The following SERPINB12 variants were observed in gnomAD, a reference collection of about 807,000 sequenced individuals.
The protein encoded by SERPINB12 is serpin family B member 12, also known as serpin B12.
A neutral mutation model predicts 41.1 loss-of-function variants in SERPINB12; 57 were observed. The ratio of observed to expected loss-of-function variants is 1.39; its 90% confidence interval spans 1.12 to 1.73. SERPINB12 has a LOEUF of 1.73. Ranked by LOEUF, SERPINB12 falls within the 40% of genes most tolerant of loss-of-function variation. The pLI is 0.00. For synonymous variants in SERPINB12, 180 were observed against 181.3 expected (o/e 0.99, Z 0.06); for missense variants, 536 against 501.9 (o/e 1.07, Z -0.65).
Position 63,563,234 on chromosome 18 carries a change from G to A in SERPINB12, c.563-744G>A, listed in dbSNP as rs567271760. 2.2e-4 allele frequency among the ~76,000 whole-genome samples: 33 copies of A among 152,322 alleles called. 1 individual carries two copies. In the South Asian group the frequency reaches 5.8e-3, roughly 27 times the overall value. On this transcript the variant is annotated intron_variant, in intron 5 of 7. Transcript: ENST00000382768. ...TTATATCATGGTCTAGCACATTTAT[G>A]TGTATTTTTGTTTACATGTAAGCAT...
chr18:63,540,416 C>T (rs751080274), upstream of SERPINB12, among the ~76,000 whole-genome samples: 2 of 152,062 alleles, frequency 1.3e-5, no homozygotes, highest in Non-Finnish European at 2.9e-5. Flanking sequence ...CTAAGGAAAT[C>T]ATCTGAGATT....
In SERPINB12 at chr18:63,566,957, T is replaced by C; in HGVS notation, c.1224T>C (p.Ile408=). ...CCAACCACCCTTTTCTCTTTTTCAT[T>C]AGACACAACAAAACCCAAACCATTC... The part of the protein sequence containing the change: ...FNANHPFLFF[I]RHNKTQTILF... The change falls in exon 8 of 8, where the codon ATT becomes ATC. Residue 408 remains isoleucine, a synonymous_variant. Transcript: ENST00000382768. 6.2e-7 allele frequency: 1 copy of C among 1,612,906 alleles called. No individual in the cohort carries two copies. Among genetic ancestry groups the C allele is most frequent in the Non-Finnish European group, 8.5e-7 (1 of 1,179,576 alleles).
At chr18:63,523,788 G>A in the SERPINB12 span, among the ~76,000 whole-genome samples, 24 of 152,170 alleles carry the variant, frequency 1.6e-4, no homozygotes, top group Non-Finnish European at 2.5e-4. Context: ...CTGATGAGAA[G>A]GTTGAAGGAG....
chr18:63,566,936 C>T lies in SERPINB12; in HGVS notation c.1203C>T (p.Asn401=), dbSNP rs757108341. 16 of 1,613,708 alleles carry T rather than the reference C, an allele frequency of 9.9e-6. No individual in the cohort carries two copies. Among genetic ancestry groups the T allele is most frequent in the Non-Finnish European group, 1.4e-5 (16 of 1,179,944 alleles). The change falls in exon 8 of 8, where the codon AAC becomes AAT. Residue 401 remains asparagine (N), a synonymous_variant. Coordinates refer to ENST00000382768, the MANE Select transcript of SERPINB12 (RefSeq NM_001307928.2). Reference sequence around the variant, plus strand: ...GATCTTGGGTGGAGTTTAATGCCAACCACCCTTTTCTCTTTTTCATTAGAC... The same window carrying T: ...GATCTTGGGTGGAGTTTAATGCCAATCACCCTTTTCTCTTTTTCATTAGAC... ...SLRSWVEFNA[N]HPFLFFIRHN...
upstream of SERPINB12, among the ~76,000 whole-genome samples, chr18:63,540,423 G>C (rs192431588): frequency 2.4e-3 from 370 of 152,034 alleles, 1 homozygote; most frequent in African/African-American, 8.6e-3. Flanking sequence ...AATCATCTGA[G>C]ATTCAGATAA....
chr18:63,533,956 A>T, the SERPINB12 span, among the ~76,000 whole-genome samples: 18 of 152,346 alleles, frequency 1.2e-4, no homozygotes, highest in Admixed American at 9.2e-4. Flanking sequence ...TCAAGAATGT[A>T]TATCATCTCC....
At chr18:63,564,641 C>A (rs1206999413) in intron 6 of SERPINB12, among the ~76,000 whole-genome samples, 1 of 152,134 alleles carries the variant, frequency 6.6e-6, no homozygotes, top group Admixed American at 6.6e-5. Context: ...ATTTAAGGTG[C>A]CTGGGGTTGT....
Position 63,565,432 on chromosome 18 carries a change from T to TTCATTC in SERPINB12, c.706-12_706-11insCATTCT. 6.2e-7 allele frequency: 1 copy of TTCATTC among 1,610,280 alleles called. No individual in the cohort carries two copies. The highest frequency in any genetic ancestry group is 8.5e-7 in the Non-Finnish European group (1 of 1,178,144). The stretch of plus-strand genomic sequence containing the variant: ...CATAGCCGTCCTGTGACCTCCTACC[T>TTCATTC]TGACTACTACAGAATGAAAACAAGA... On this transcript the variant is annotated splice_polypyrimidine_tract_variant and intron_variant, in intron 6 of 7. Transcript: ENST00000382768.
intron 5 of SERPINB12, among the ~76,000 whole-genome samples, chr18:63,563,395 C>G (rs886159639): frequency 2.0e-5 from 3 of 152,188 alleles, no homozygotes; most frequent in Non-Finnish European, 4.4e-5. Flanking sequence ...TGTCTACTGA[C>G]AAGTTCCAAA....
chr18:63,533,577 C>A, the SERPINB12 span, among the ~76,000 whole-genome samples: 3 of 152,282 alleles, frequency 2.0e-5, no homozygotes, highest in African/African-American at 7.2e-5. Flanking sequence ...CTTTTGAAAA[C>A]ATGTTAATCC....
At chr18:63,563,911 AAAAT>A (rs879084017) in intron 5 of SERPINB12, 63 bp from the exon 6 acceptor site, 68,478 of 384,728 alleles carry the variant, frequency 0.18, 873 homozygotes, top group South Asian at 0.27. Flanking sequence ...AAAAAAAAAA[AAAAT>A]TATCTACACA....
At chr18:63,545,578 G>C (rs1988116) in intron 1 of SERPINB12, among the ~76,000 whole-genome samples, 88,950 of 151,992 alleles carry the variant, frequency 0.59, 27,958 homozygotes, top group Middle Eastern at 0.73. Context: ...AGGATAAACA[G>C]ATGCAAATCT....
the SERPINB12 span, among the ~76,000 whole-genome samples, chr18:63,531,109 G>A: frequency 6.6e-6 from 1 of 152,146 alleles, no homozygotes; most frequent in Non-Finnish European, 1.5e-5. Context: ...TTGCTTAAAT[G>A]TGCAGGAGTT....
upstream of SERPINB12, among the ~76,000 whole-genome samples, chr18:63,537,943 G>A (rs1160732868): frequency 1.3e-5 from 2 of 152,058 alleles, no homozygotes; most frequent in Non-Finnish European, 2.9e-5. Context: ...CTATGGATGA[G>A]GCTTTTCTAA....
intron 3 of SERPINB12, among the ~76,000 whole-genome samples, chr18:63,559,003 C>CTTTCTTTCTTTCTTTCTTTCT (rs1491386715): frequency 1.5e-4 from 12 of 78,598 alleles, no homozygotes; most frequent in African/African-American, 4.5e-4. Context: ...TCTTTCCTTC[C>CTTTCTTTCTTTCTTTCTTTCT]TTCTTTCTTT....
At chr18:63,524,673 T>G in the SERPINB12 span, among the ~76,000 whole-genome samples, 1 of 152,172 alleles carries the variant, frequency 6.6e-6, no homozygotes, top group Admixed American at 6.5e-5. Flanking sequence ...CCTTCAGTTT[T>G]GTAGTTTTGT....
At chr18:63,555,103 C>G (rs901799875) in intron 1 of SERPINB12, among the ~76,000 whole-genome samples, 4 of 152,196 alleles carry the variant, frequency 2.6e-5, no homozygotes, top group African/African-American at 9.6e-5. Flanking sequence ...ATGACACAGT[C>G]TCTGGTATTC....
chr18:63,526,334 G>A, the SERPINB12 span, among the ~76,000 whole-genome samples: 1 of 151,910 alleles, frequency 6.6e-6, no homozygotes, highest in Non-Finnish European at 1.5e-5. Flanking sequence ...TAGAGATGGA[G>A]TCTTGCTCTG....
chr18:63,534,951 A>G, the SERPINB12 span, among the ~76,000 whole-genome samples: 3 of 152,206 alleles, frequency 2.0e-5, no homozygotes, highest in Non-Finnish European at 4.4e-5. Flanking sequence ...TAGATTTACC[A>G]TGAGCAGAGT....
Sources: gnomAD v4.1 joint callset for allele counts (sites outside exome capture counted in the v4.1 genomes callset) on GRCh38, gnomAD v4.1.1 for gene constraint, MANE v1.5 for transcripts, NCBI Gene and HGNC (gene_info 2026-07-23, HGNC 2026-07-21) for gene names.